The following CD160 variants were observed in gnomAD, a reference collection of about 807,000 sequenced individuals.
The protein encoded by CD160 is CD160 antigen.
CD160 carries 11 observed loss-of-function variants against 19.2 expected under a neutral mutation model. The observed-to-expected ratio is 0.57, with a 90% CI of 0.36 to 0.95. The LOEUF (loss-of-function observed/expected upper bound fraction) is 0.95. CD160 is among the 40% of genes least tolerant of loss of function. The probability of loss-of-function intolerance (pLI) is 0.01; values close to 1 mark genes in which losing one functional copy is unlikely to be tolerated. For synonymous variants in CD160, 75 were observed against 81.1 expected, an observed-to-expected ratio of 0.93 and a Z score of 0.40; for missense variants, 182 against 213.2, an observed-to-expected ratio of 0.85 and a Z score of 0.91.
At chr1:145,723,777 T>G (rs1264943353) in intron 1 of CD160, among the ~76,000 whole-genome samples, 2 of 152,120 alleles carry the variant, frequency 1.3e-5, no homozygotes, top group African/African-American at 4.8e-5. Flanking sequence ...AGAGCCAGGG[T>G]TTCACCATGT....
chr1:145,731,414 T>C (rs1245051181), intron 4 of CD160, among the ~76,000 whole-genome samples: 1 of 152,116 alleles, frequency 6.6e-6, no homozygotes, highest in African/African-American at 2.4e-5. Context: ...CTCATGCCTG[T>C]AATCCCAGCA....
intron 4 of CD160, among the ~76,000 whole-genome samples, chr1:145,735,319 C>A (rs1657437530): frequency 6.6e-6 from 1 of 152,134 alleles, no homozygotes; most frequent in Non-Finnish European, 1.5e-5. Flanking sequence ...GGTGCAGTGT[C>A]TCATGCCTGT....
chr1:145,729,406 C>T lies in CD160; in HGVS notation c.73+1006C>T, dbSNP rs1272579851. On this transcript the variant is annotated intron_variant, in intron 3 of 5. Coordinates refer to ENST00000369288, the MANE Select transcript of CD160 (RefSeq NM_007053.4). ...GGGGGCTGGCAGCCTCAGCATCTGC[C>T]GGATGAGTTTTCAGCAGAGAGCTGG... Among the ~76,000 whole-genome samples, 4 of 152,122 alleles carry T rather than the reference C, an allele frequency of 2.6e-5. 1 individual carries two copies. The South Asian group carries it at 8.3e-4, about 32-fold the overall frequency.
At chr1:145,726,197 A>G (rs1430011884) in intron 2 of CD160, among the ~76,000 whole-genome samples, 1 of 152,178 alleles carries the variant, frequency 6.6e-6, no homozygotes, top group East Asian at 1.9e-4. Context: ...AGGATCTAGA[A>G]CTAGAAATAC....
chr1:145,737,528 G>A (rs1657545348), intron 5 of CD160: 1 of 152,092 alleles, frequency 6.6e-6, no homozygotes, highest in African/African-American at 2.4e-5. Context: ...CCTTGGTAAG[G>A]ATCTTCCAAA....
At chr1:145,733,820 A>ACT (rs1289933930) in intron 4 of CD160, among the ~76,000 whole-genome samples, 1 of 150,020 alleles carries the variant, frequency 6.7e-6, no homozygotes, top group African/African-American at 2.5e-5. Flanking sequence ...TTTTCTCTTT[A>ACT]CTCTCTCTCC....
At chr1:145,733,282 C>T (rs1006376441) in intron 4 of CD160, among the ~76,000 whole-genome samples, 5 of 152,072 alleles carry the variant, frequency 3.3e-5, no homozygotes, top group Admixed American at 1.3e-4. Flanking sequence ...TACAGGCACA[C>T]GCCACCACCC....
chr1:145,720,877 G>A (rs969321020), intron 1 of CD160, among the ~76,000 whole-genome samples: 1 of 152,176 alleles, frequency 6.6e-6, no homozygotes, highest in Non-Finnish European at 1.5e-5. Context: ...CTCCAGGACC[G>A]CCTCCGAAGG....
At chr1:145,725,842 A>G (rs1657032361) in intron 2 of CD160, among the ~76,000 whole-genome samples, 1 of 152,132 alleles carries the variant, frequency 6.6e-6, no homozygotes, top group African/African-American at 2.4e-5. Flanking sequence ...GAAAGAAATC[A>G]GAGATATAAA....
chr1:145,733,839 C>G (rs1385141569), intron 4 of CD160, among the ~76,000 whole-genome samples: 1 of 152,154 alleles, frequency 6.6e-6, no homozygotes, highest in Non-Finnish European at 1.5e-5. Flanking sequence ...CCCTAGTTCT[C>G]ATCTACCCAC....
chr1:145,724,294 TG>T (rs1465574627), intron 1 of CD160, among the ~76,000 whole-genome samples: 2 of 152,208 alleles, frequency 1.3e-5, no homozygotes, highest in Non-Finnish European at 2.9e-5. Context: ...TTAAGTTTCT[TG>T]GGTTTTCTAG....
intron 4 of CD160, among the ~76,000 whole-genome samples, chr1:145,731,703 A>G (rs1471039845): frequency 6.6e-6 from 1 of 152,088 alleles, no homozygotes; most frequent in Non-Finnish European, 1.5e-5. Flanking sequence ...GAAAAGAAAG[A>G]AATTAGGCCT....
chr1:145,724,354 C>T (rs1656972480), intron 1 of CD160, among the ~76,000 whole-genome samples: 1 of 152,090 alleles, frequency 6.6e-6, no homozygotes, highest in Non-Finnish European at 1.5e-5. Context: ...CTTAAGATTT[C>T]CAATATTTAT....
chr1:145,728,266 C>G lies in CD160; in HGVS notation c.-62C>G. On this transcript the variant is annotated 5_prime_UTR_variant, in exon 3 of 6. Transcript: ENST00000369288. ...CCCCTGTGCTTTTAGGAGACTGAAG[C>G]CAAGGATACCAGCAGAGCCAACATT... is the stretch of plus-strand genomic sequence containing the variant. The G allele has an allele frequency of 7.8e-7, 1 of 1,284,902 alleles. No individual in the cohort carries two copies. Among genetic ancestry groups the G allele is most frequent in the Admixed American group, 1.7e-5 (1 of 59,268 alleles). 79.6% of individuals were successfully genotyped at this position (1,284,902 alleles called of 1,614,324 possible).
chr1:145,728,147 C>T (rs1657124976), intron 2 of CD160, 109 bp from the exon 3 acceptor site: 4 of 568,100 alleles, frequency 7.0e-6, no homozygotes, highest in Non-Finnish European at 1.3e-5. Flanking sequence ...ATGCCCAAGC[C>T]CTCCTCTACC....
At chr1:145,727,591 G>GA (rs1474913119) in intron 2 of CD160, among the ~76,000 whole-genome samples, 15 of 151,718 alleles carry the variant, frequency 9.9e-5, no homozygotes, top group East Asian at 3.9e-4. Flanking sequence ...CTTTCCTTGT[G>GA]AAAAAAAAGC....
intron 2 of CD160, among the ~76,000 whole-genome samples, chr1:145,726,185 C>A (rs1553708363): frequency 6.6e-6 from 1 of 152,134 alleles, no homozygotes; most frequent in African/African-American, 2.4e-5. Flanking sequence ...GGGGATTCCT[C>A]AAGGATCTAG....
At chr1:145,729,233 A>C (rs145088054) in intron 3 of CD160, among the ~76,000 whole-genome samples, 142 of 152,288 alleles carry the variant, frequency 9.3e-4, no homozygotes, top group Non-Finnish European at 3.2e-4. Context: ...CTCTTGTAGG[A>C]GAATGGCATT....
intron 1 of CD160, among the ~76,000 whole-genome samples, chr1:145,721,435 C>T (rs1553707782): frequency 6.6e-6 from 1 of 152,166 alleles, no homozygotes; most frequent in Non-Finnish European, 1.5e-5. Context: ...CCCAGAGCAT[C>T]CTTGCCCAGT....
Sources: allele counts gnomAD v4.1 joint callset (sites outside exome capture counted in the v4.1 genomes callset), GRCh38; gene constraint gnomAD v4.1.1; transcripts MANE v1.5; gene names NCBI Gene and HGNC (gene_info 2026-07-23, HGNC 2026-07-21).